The following DNAJC24 variants were observed in gnomAD, a reference collection of about 807,000 sequenced individuals.
DNAJC24 encodes dnaJ homolog subfamily C member 24.
A neutral mutation model predicts 18.0 loss-of-function variants in DNAJC24; 17 were observed. The observed-to-expected ratio is 0.94, with a 90% confidence interval of 0.65 to 1.42. The LOEUF is 1.42. DNAJC24 is among the 40% of genes most tolerant of loss of function. The pLI is 0.00. For missense variants in DNAJC24, 158 were observed against 175.6 expected (o/e 0.90, Z 0.57); for synonymous variants, 55 against 57.7 (o/e 0.95, Z 0.21).
chr11:31,422,882 T>C (rs1049011398), intron 3 of DNAJC24, among the ~76,000 whole-genome samples: 5 of 152,172 alleles, frequency 3.3e-5, no homozygotes, highest in Admixed American at 3.3e-4. Flanking sequence ...TGCCCCATCC[T>C]TGGACACCTG....
chr11:31,430,328 A>G lies in DNAJC24; in HGVS notation c.377A>G (p.Asp126Gly), dbSNP rs777399768. The G allele has an allele frequency of 5.0e-6, 8 of 1,612,032 alleles. No individual in the cohort carries two copies. In the East Asian group the frequency reaches 1.8e-4, roughly 36 times the overall value. Residue 126 changes from aspartate to glycine, a missense_variant, in exon 5 of 5, where the codon GAT (aspartate) becomes GGT (glycine). Coordinates refer to ENST00000465995, the MANE Select transcript of DNAJC24 (RefSeq NM_181706.5). ...RCGGKYSVSK[D>G]EAEEVSLISC... ...GGTGGAAAATACAGTGTTTCCAAGG[A>G]TGAAGCGGAAGAAGTTAGCCTGATT...
At chr11:31,399,631 C>G (rs1435813596) in intron 2 of DNAJC24, among the ~76,000 whole-genome samples, 1 of 151,594 alleles carries the variant, frequency 6.6e-6, no homozygotes, top group Non-Finnish European at 1.5e-5. Flanking sequence ...CCAGGCTGGC[C>G]TCGAACCCCT....
chr11:31,372,211 C>T (rs1247128452), intron 2 of DNAJC24, among the ~76,000 whole-genome samples: 2 of 151,810 alleles, frequency 1.3e-5, no homozygotes, highest in Non-Finnish European at 2.9e-5. Context: ...TGTGATGCTT[C>T]TTAAGCCAAT....
chr11:31,379,499 A>T (rs1324040513), intron 2 of DNAJC24, among the ~76,000 whole-genome samples: 1 of 152,114 alleles, frequency 6.6e-6, no homozygotes, highest in Non-Finnish European at 1.5e-5. Context: ...AAGTCTGAGA[A>T]TTTTTTTCTT....
At chr11:31,379,221 C>T (rs1455612899) in intron 2 of DNAJC24, among the ~76,000 whole-genome samples, 1 of 152,088 alleles carries the variant, frequency 6.6e-6, no homozygotes, top group African/African-American at 2.4e-5. Flanking sequence ...AGCCAGTGTG[C>T]GAGTGTTACC....
intron 2 of DNAJC24, among the ~76,000 whole-genome samples, chr11:31,402,763 G>C (rs1251815944): frequency 6.6e-6 from 1 of 152,146 alleles, no homozygotes; most frequent in Admixed American, 6.5e-5. Flanking sequence ...TCCTGCCTTA[G>C]CTTCCCAAAG....
At chr11:31,402,702 C>T (rs1174059321) in intron 2 of DNAJC24, among the ~76,000 whole-genome samples, 1 of 152,080 alleles carries the variant, frequency 6.6e-6, no homozygotes, top group East Asian at 1.9e-4. Context: ...TAGAGATGAG[C>T]TCTCACTACC....
chr11:31,412,048 C>T (rs535030706), intron 2 of DNAJC24, among the ~76,000 whole-genome samples: 31 of 152,050 alleles, frequency 2.0e-4, no homozygotes, highest in Non-Finnish European at 1.0e-4. Context: ...CCTCAGATGG[C>T]GAGCACCTTA....
intron 4 of DNAJC24, among the ~76,000 whole-genome samples, chr11:31,428,364 G>A (rs1952885497): frequency 6.6e-6 from 1 of 152,106 alleles, no homozygotes; most frequent in Non-Finnish European, 1.5e-5. Context: ...CTGAGCAAGA[G>A]CTACATGAAA....
chr11:31,408,894 T>C (rs1321114913), intron 2 of DNAJC24, among the ~76,000 whole-genome samples: 1 of 152,168 alleles, frequency 6.6e-6, no homozygotes, highest in Non-Finnish European at 1.5e-5. Context: ...GAAATAGATG[T>C]CTTTGTATAA....
chr11:31,373,408 G>T lies in DNAJC24; in HGVS notation c.111+2549G>T, dbSNP rs541092168. Among the ~76,000 whole-genome samples, 13 of 133,952 alleles carry T rather than the reference G, an allele frequency of 9.7e-5. 1 individual carries two copies. The South Asian group carries it at 3.0e-3, about 31-fold the overall frequency. The allele number at this position is 133,952 out of a possible 152,430, so 87.9% of individuals were successfully genotyped here. On this transcript the variant is annotated intron_variant, in intron 2 of 4. Coordinates refer to ENST00000465995, the MANE Select transcript of DNAJC24 (RefSeq NM_181706.5). The stretch of plus-strand genomic sequence containing the variant: ...TTGTTGAAAATTTTTTTCTCCATTG[G>T]ACTGTCTTGGCAATATGAGTCTATT...
chr11:31,400,673 A>G (rs532538918), intron 2 of DNAJC24, among the ~76,000 whole-genome samples: 32 of 152,356 alleles, frequency 2.1e-4, no homozygotes, highest in African/African-American at 7.7e-4. Flanking sequence ...CTGGCTAGCC[A>G]TATGCAGAAA....
rs1317063879 is a variant in DNAJC24 at position 31,369,869 on chromosome 11, C to A, written c.-77C>A. The A allele has an allele frequency of 6.6e-6, 1 of 152,538 alleles. No individual in the cohort carries two copies. The highest frequency in any genetic ancestry group is 2.4e-5 in the African/African-American group (1 of 41,388). The allele number at this position is 152,538 out of a possible 1,614,324, so 9.4% of individuals were successfully genotyped here. A position where few individuals can be genotyped will look rare whatever the true frequency, so the allele number is the denominator to read the frequency against. On this transcript the variant is annotated 5_prime_UTR_variant, in exon 1 of 5. Transcript: ENST00000465995. ...GAAGAAGCCGGTCCGGAGTTCTGGCCGACAGCAGGCGAGGAGTGGGTAGCA... is the reference window on the plus strand; with the variant it reads ...GAAGAAGCCGGTCCGGAGTTCTGGCAGACAGCAGGCGAGGAGTGGGTAGCA...
intron 2 of DNAJC24, among the ~76,000 whole-genome samples, chr11:31,409,119 T>C (rs1952681304): frequency 6.6e-6 from 1 of 152,230 alleles, no homozygotes; most frequent in African/African-American, 2.4e-5. Flanking sequence ...TTCATGTTAG[T>C]TTTTCCATTA....
chr11:31,413,138 A>T (rs1287258701), intron 2 of DNAJC24, among the ~76,000 whole-genome samples: 1 of 152,088 alleles, frequency 6.6e-6, no homozygotes, highest in East Asian at 1.9e-4. Context: ...TTAATTGAGG[A>T]ATGTATGAAC....
chr11:31,413,326 C>CTTT (rs1226979464), intron 2 of DNAJC24, among the ~76,000 whole-genome samples: 76 of 126,338 alleles, frequency 6.0e-4, no homozygotes, highest in Middle Eastern at 4.5e-3. Context: ...TAAATACTAT[C>CTTT]TTTTTTTTTT....
At chr11:31,371,985 G>C (rs565268120) in intron 2 of DNAJC24, among the ~76,000 whole-genome samples, 9 of 151,700 alleles carry the variant, frequency 5.9e-5, no homozygotes, top group Non-Finnish European at 1.3e-4. Context: ...ACCACGCCTG[G>C]CTAATTTTTA....
chr11:31,385,845 G>A (rs1005859867), intron 2 of DNAJC24, among the ~76,000 whole-genome samples: 1 of 152,180 alleles, frequency 6.6e-6, no homozygotes, highest in Non-Finnish European at 1.5e-5. Flanking sequence ...GAGGCATGGA[G>A]TAGGATAGGA....
At chr11:31,413,475 C>CAT (rs1952727551) in intron 2 of DNAJC24, among the ~76,000 whole-genome samples, 1 of 151,690 alleles carries the variant, frequency 6.6e-6, no homozygotes, top group Non-Finnish European at 1.5e-5. Flanking sequence ...GGATTACAGG[C>CAT]GCCCACCACC....
Sources: allele counts gnomAD v4.1 joint callset (sites outside exome capture counted in the v4.1 genomes callset), GRCh38; gene constraint gnomAD v4.1.1; transcripts MANE v1.5; gene names NCBI Gene and HGNC (gene_info 2026-07-23, HGNC 2026-07-21).